The following GTF2I variants were observed in gnomAD, a reference collection of about 807,000 sequenced individuals.
GTF2I encodes the protein general transcription factor IIi.
In GTF2I, 12 loss-of-function variants were observed where a neutral mutation model predicts 67.6. The ratio of observed to expected loss-of-function variants is 0.18; its 90% CI spans 0.11 to 0.29. The LOEUF is 0.29. GTF2I is among the 10% of genes least tolerant of loss of function. GTF2I has a pLI of 1.00. For missense variants in GTF2I, 271 were observed against 580.1 expected (o/e 0.47, Z 5.47); for synonymous variants, 149 against 197.0 (o/e 0.76, Z 2.04).
At chr7:74,658,415 G>T (rs1380324633) in intron 1 of GTF2I, among the ~76,000 whole-genome samples, 1 of 145,726 alleles carries the variant, frequency 6.9e-6, no homozygotes, top group Admixed American at 6.8e-5. Flanking sequence ...CGTGCGGTGG[G>T]GGGGCGCCTC....
rs587683789 is a variant in GTF2I at position 74,732,243 on chromosome 7, G to A, written c.1121-236G>A. 5.7e-3 allele frequency among the ~76,000 whole-genome samples: 862 copies of A among 151,290 alleles called. 9 individuals are homozygous for A. Among genetic ancestry groups the A allele is most frequent in the African/African-American group, 0.02 (817 of 41,306 alleles). ...CAAAAAATTAGCTGGGCGTGGTGGC[G>A]GGCACCTGTAGTCCCAGCTACTCGG... On this transcript the variant is annotated intron_variant, in intron 14 of 34. Transcript: ENST00000573035.
At chr7:74,669,771 TC>T (rs1554389955) in intron 1 of GTF2I, among the ~76,000 whole-genome samples, 1 of 152,130 alleles carries the variant, frequency 6.6e-6, no homozygotes, top group Non-Finnish European at 1.5e-5. Context: ...GACTTTGTGA[TC>T]CACTCACTTC....
At chr7:74,665,222 G>A (rs1804868467) in intron 1 of GTF2I, among the ~76,000 whole-genome samples, 1 of 151,676 alleles carries the variant, frequency 6.6e-6, no homozygotes, top group South Asian at 2.1e-4. Context: ...GATTACAGGT[G>A]TGAGCCAACA....
chr7:74,676,057 G>C (rs1039480976), intron 1 of GTF2I, among the ~76,000 whole-genome samples: 2 of 151,928 alleles, frequency 1.3e-5, no homozygotes, highest in East Asian at 3.9e-4. Flanking sequence ...AGAGAATGGG[G>C]AATTGAGGAC....
Position 74,716,764 on chromosome 7 carries a change from T to C in GTF2I, c.824-130T>C. The C allele has an allele frequency of 8.2e-6, 5 of 608,414 alleles. No homozygotes were observed. The South Asian group carries it at 1.1e-4, about 13-fold the overall frequency. 37.7% of individuals were successfully genotyped at this position (608,414 alleles called of 1,614,324 possible). A position where few individuals can be genotyped will look rare whatever the true frequency, so the allele number is the denominator to read the frequency against. ...AGAAAACATTGTTCGACTTAACTGC[T>C]AAAGAGTTAGACAATCATTTTGCAT... On this transcript the variant is annotated intron_variant, in intron 10 of 34. Coordinates refer to ENST00000573035, the MANE Select transcript of GTF2I (RefSeq NM_032999.4).
At chr7:74,701,039 TGGCAAGAACATTGCATCCCTAC>T (rs1789662477) in intron 6 of GTF2I, among the ~76,000 whole-genome samples, 1 of 152,230 alleles carries the variant, frequency 6.6e-6, no homozygotes, top group Non-Finnish European at 1.5e-5. Flanking sequence ...AAAATGAACA[TGGCAAGAACATTGCATCCCTAC>T]GGCAAGAATG....
intron 6 of GTF2I, among the ~76,000 whole-genome samples, chr7:74,702,097 C>G (rs1789857310): frequency 6.6e-6 from 1 of 152,122 alleles, no homozygotes; most frequent in Non-Finnish European, 1.5e-5. Context: ...GTTGTTTCCA[C>G]CTTTGGGTAT....
intron 13 of GTF2I, among the ~76,000 whole-genome samples, chr7:74,729,883 T>C (rs1373818880): frequency 6.6e-6 from 1 of 151,568 alleles, no homozygotes; most frequent in African/African-American, 2.4e-5. Flanking sequence ...GAGACCTTTA[T>C]CGTGGTCTCC....
At chr7:74,727,344 A>T (rs1440817404) in intron 12 of GTF2I, 1 of 152,202 alleles carries the variant, frequency 6.6e-6, no homozygotes, top group African/African-American at 2.4e-5. Context: ...TGTCTATAGA[A>T]GTGACCCAGT....
chr7:74,703,629 C>A (rs587683513), intron 6 of GTF2I, among the ~76,000 whole-genome samples: 1 of 152,310 alleles, frequency 6.6e-6, no homozygotes, highest in African/African-American at 2.4e-5. Context: ...ATCCACCTGC[C>A]TCAGCCTCCC....
At chr7:74,702,952 G>C (rs961365687) in intron 6 of GTF2I, among the ~76,000 whole-genome samples, 1 of 151,932 alleles carries the variant, frequency 6.6e-6, no homozygotes, top group Non-Finnish European at 1.5e-5. Context: ...GGCCAGGCTG[G>C]TCTGGAACTC....
intron 1 of GTF2I, among the ~76,000 whole-genome samples, chr7:74,672,530 A>T (rs1805551012): frequency 1.3e-5 from 2 of 151,894 alleles, no homozygotes; most frequent in Admixed American, 6.6e-5. Flanking sequence ...ACAGAGTGAG[A>T]CTCTGTCTCA....
intron 12 of GTF2I, chr7:74,726,704 A>G (rs1306066524): frequency 1.3e-5 from 2 of 152,076 alleles, no homozygotes; most frequent in Admixed American, 1.3e-4. Context: ...AAAAATAGCC[A>G]GGTGTGTTGG....
intron 12 of GTF2I, among the ~76,000 whole-genome samples, chr7:74,719,995 TGTG>T (rs1248176434): frequency 6.6e-6 from 1 of 152,232 alleles, no homozygotes; most frequent in Non-Finnish European, 1.5e-5. Context: ...ACTTCTTTCT[TGTG>T]GTAAAATGTG....
chr7:74,667,836 CTT>C (rs76958371), intron 1 of GTF2I, among the ~76,000 whole-genome samples: 27 of 138,626 alleles, frequency 1.9e-4, no homozygotes, highest in African/African-American at 1.1e-4. Flanking sequence ...CCAAAAGAAA[CTT>C]TTTTTTTTTT....
intron 14 of GTF2I, among the ~76,000 whole-genome samples, 162 bp from the exon 15 acceptor site, chr7:74,732,317 T>C (rs1200868688): frequency 2.0e-5 from 3 of 150,964 alleles, no homozygotes; most frequent in African/African-American, 7.3e-5. Context: ...GAGCTTGCAG[T>C]GAACCGAGAT....
At chr7:74,675,549 G>T (rs1805821909) in intron 1 of GTF2I, among the ~76,000 whole-genome samples, 2 of 151,530 alleles carry the variant, frequency 1.3e-5, no homozygotes, top group Admixed American at 1.3e-4. Context: ...TTGAGAGGCT[G>T]TTTTTTTTGG....
intron 9 of GTF2I, among the ~76,000 whole-genome samples, chr7:74,712,621 C>T (rs1791738260): frequency 6.9e-6 from 1 of 145,754 alleles, no homozygotes; most frequent in South Asian, 2.2e-4. Context: ...TGAGTATAGT[C>T]TGTCACTCAA....
chr7:74,700,329 G>A lies in GTF2I; in HGVS notation c.456G>A (p.Gly152=). Residue 152 remains glycine (G), a synonymous_variant, in exon 5 of 35, where the codon GGG becomes GGA. Transcript: ENST00000573035. ...ACCAGTCGGCTGTGGTAGTGCAGGG[G>A]CTTCCGGAAGGTGTTGCCTTTAAAC... ...LRDQSAVVVQ[G]LPEGVAFKHP... The A allele has an allele frequency of 1.2e-6, 2 of 1,614,092 alleles. No individual in the cohort carries two copies. Among genetic ancestry groups the A allele is most frequent in the Non-Finnish European group, 8.5e-7 (1 of 1,180,002 alleles).
Sources: gnomAD v4.1 joint callset for allele counts (sites outside exome capture counted in the v4.1 genomes callset) on GRCh38, gnomAD v4.1.1 for gene constraint, MANE v1.5 for transcripts, NCBI Gene and HGNC (gene_info 2026-07-23, HGNC 2026-07-21) for gene names.